Variants in COL5A2 observed in about 807,000 individuals in gnomAD.
The protein encoded by COL5A2 is collagen type V alpha 2 chain, also known as collagen alpha-2(V) chain.
COL5A2 carries 23 observed loss-of-function variants against 208.2 expected under a neutral mutation model. That is an observed-to-expected ratio of 0.11 (90% CI 0.08 to 0.16). COL5A2 has a LOEUF of 0.16. Among genes scored for constraint, COL5A2 ranks in the 10% least tolerant of loss-of-function variants. COL5A2 has a pLI of 1.00. For synonymous variants in COL5A2, 625 were observed against 628.5 expected (o/e 0.99, Z 0.08); for missense variants, 1,590 against 1,956.4 (o/e 0.81, Z 3.53).
chr2:189,216,306 C>T (rs1689277673), intron 1 of COL5A2, among the ~76,000 whole-genome samples: 1 of 152,122 alleles, frequency 6.6e-6, no homozygotes, highest in Non-Finnish European at 1.5e-5. Context: ...ATACCTCCCA[C>T]TTTAGCCTGG....
chr2:189,057,165 G>C, intron 34 of COL5A2, 139 bp from the exon 35 acceptor site: 1 of 1,079,690 alleles, frequency 9.3e-7, no homozygotes. Flanking sequence ...CTCACACTGT[G>C]CATTTTCTCA....
At position 189,066,729 on chromosome 2, in the gene COL5A2, T is replaced by C; in HGVS notation, c.1455A>G (p.Pro485=). ...TATCATTAAAACAATGAAACCTTAC[T>C]GGTTCCCCTTTTGGGCCAGCTTCTC... ...FKGEAGPKGE[P]GPHGIQGPIG... Residue 485 remains proline, a splice_region_variant and synonymous_variant, in exon 22 of 54, where the codon CCA becomes CCG. Coordinates refer to ENST00000374866, the MANE Select transcript of COL5A2 (RefSeq NM_000393.5). 1 of 1,612,206 alleles carries C rather than the reference T, an allele frequency of 6.2e-7. No homozygotes were observed. The highest frequency in any genetic ancestry group is 8.5e-7 in the Non-Finnish European group (1 of 1,178,270).
intron 1 of COL5A2, among the ~76,000 whole-genome samples, chr2:189,169,086 T>C (rs1197697498): frequency 6.6e-6 from 1 of 152,238 alleles, no homozygotes; most frequent in African/African-American, 2.4e-5. Context: ...CGAATAGTCC[T>C]GGGAGCTGCT....
At position 189,034,937 on chromosome 2, in the gene COL5A2, G is replaced by A. The variant is rs138837670; in HGVS notation, c.4332C>T (p.Ile1444=). 14 of 1,613,720 alleles carry A rather than the reference G, an allele frequency of 8.7e-6. No individual in the cohort carries two copies. The African/African-American group carries it at 1.6e-4, about 18-fold the overall frequency. The stretch of plus-strand genomic sequence containing the variant: ...TTACAGAGCAAGTGTCTTGAAGAAC[G>A]ATATACCGGAATCTAATATTTCCCT... ...KAEGNIRFRY[I]VLQDTCSKRN... The change falls in exon 53 of 54, where the codon ATC becomes ATT. Residue 1444 remains isoleucine, a synonymous_variant. Transcript: ENST00000374866.
chr2:189,084,343 A>T (rs1029471119), intron 11 of COL5A2, among the ~76,000 whole-genome samples: 1 of 152,206 alleles, frequency 6.6e-6, no homozygotes, highest in African/African-American at 2.4e-5. Flanking sequence ...ACATAAACAT[A>T]CATGTATGCT....
chr2:189,355,707 A>G, the COL5A2 span, among the ~76,000 whole-genome samples: 5 of 152,128 alleles, frequency 3.3e-5, no homozygotes, highest in Non-Finnish European at 5.9e-5. Context: ...AATATAGCAC[A>G]CTAATGGGTC....
At chr2:189,101,970 T>G (rs574957952) in intron 3 of COL5A2, among the ~76,000 whole-genome samples, 1 of 152,150 alleles carries the variant, frequency 6.6e-6, no homozygotes, top group South Asian at 2.1e-4. Context: ...AGAGTCTTTC[T>G]ATTTTAAAAA....
the COL5A2 span, chr2:189,311,970 T>C: frequency 0.63 from 473,358 of 751,042 alleles, 153,322 homozygotes; most frequent in East Asian, 0.69. Context: ...ACATTGGTCA[T>C]CAGTGACCTT....
the COL5A2 span, among the ~76,000 whole-genome samples, chr2:189,397,592 A>G: frequency 7.0e-6 from 1 of 142,912 alleles, no homozygotes; most frequent in Admixed American, 7.2e-5. Flanking sequence ...TATATTTTCA[A>G]ATTTATTAGT....
At chr2:189,034,855 AT>A in intron 53 of COL5A2, 60 bp downstream of exon 53, 1 of 1,607,600 alleles carries the variant, frequency 6.2e-7, no homozygotes, top group African/African-American at 1.3e-5. Context: ...CTGTAATAGT[AT>A]TTTTAACAAA....
chr2:189,086,587 A>G, intron 9 of COL5A2, 139 bp downstream of exon 9: 1 of 618,156 alleles, frequency 1.6e-6, no homozygotes, highest in Non-Finnish European at 2.8e-6. Context: ...AAACTATTTA[A>G]TATATCCTGT....
chr2:189,049,587 C>T, intron 43 of COL5A2, 133 bp from the exon 44 acceptor site: 3 of 715,612 alleles, frequency 4.2e-6, no homozygotes, highest in Non-Finnish European at 7.3e-6. Flanking sequence ...TTACAACACT[C>T]ATGTAATCAT....
chr2:189,236,198 T>C, the COL5A2 span, among the ~76,000 whole-genome samples: 1 of 151,702 alleles, frequency 6.6e-6, no homozygotes, highest in South Asian at 2.1e-4. Flanking sequence ...CTGATTTTAC[T>C]TTGTATCCTT....
chr2:189,394,399 G>A, the COL5A2 span, among the ~76,000 whole-genome samples: 4 of 152,116 alleles, frequency 2.6e-5, no homozygotes, highest in Non-Finnish European at 4.4e-5. Context: ...GATGGTATTT[G>A]GATATGGGGA....
chr2:189,054,316 T>C, intron 35 of COL5A2, 104 bp from the exon 36 acceptor site: 1 of 830,118 alleles, frequency 1.2e-6, no homozygotes, highest in East Asian at 2.5e-5. Flanking sequence ...TTGTTATAAT[T>C]TGGCTGCCTT....
the COL5A2 span, among the ~76,000 whole-genome samples, chr2:189,268,554 G>C: frequency 1.3e-5 from 2 of 152,042 alleles, no homozygotes; most frequent in Non-Finnish European, 2.9e-5. Context: ...CTGCAGATTT[G>C]CTGCTAATGA....
chr2:189,374,672 C>G, the COL5A2 span, among the ~76,000 whole-genome samples: 2 of 152,166 alleles, frequency 1.3e-5, no homozygotes, highest in Non-Finnish European at 2.9e-5. Context: ...GTGAAAGCAT[C>G]TCCATCTAAA....
At chr2:189,396,862 G>A in the COL5A2 span, among the ~76,000 whole-genome samples, 1 of 151,326 alleles carries the variant, frequency 6.6e-6, no homozygotes, top group Admixed American at 6.6e-5. Context: ...CATGGTGGCG[G>A]GCACCTGTAG....
chr2:189,234,464 A>T, the COL5A2 span, among the ~76,000 whole-genome samples: 1 of 151,736 alleles, frequency 6.6e-6, no homozygotes, highest in African/African-American at 2.4e-5. Context: ...TTAAATGAAG[A>T]TTTTGGTAAT....
Sources: allele counts gnomAD v4.1 joint callset (sites outside exome capture counted in the v4.1 genomes callset), GRCh38; gene constraint gnomAD v4.1.1; transcripts MANE v1.5; gene names NCBI Gene and HGNC (gene_info 2026-07-23, HGNC 2026-07-21).